The following PLXDC2 variants were observed in gnomAD, a reference collection of about 807,000 sequenced individuals.
The protein encoded by PLXDC2 is plexin domain containing 2, also known as plexin domain-containing protein 2.
PLXDC2 carries 40 observed loss-of-function variants against 68.9 expected under a neutral mutation model. The ratio of observed to expected loss-of-function variants is 0.58; its 90% CI spans 0.45 to 0.76. The LOEUF (loss-of-function observed/expected upper bound fraction) is 0.76. Ranked by LOEUF, PLXDC2 falls within the 30% of genes least tolerant of loss-of-function variation. The pLI is 0.00. For missense variants in PLXDC2, 644 were observed against 661.9 expected (o/e 0.97, Z 0.30); for synonymous variants, 243 against 234.2 (o/e 1.04, Z -0.34).
At chr10:20,236,027 A>C (rs1835427675) in intron 12 of PLXDC2, among the ~76,000 whole-genome samples, 1 of 152,220 alleles carries the variant, frequency 6.6e-6, no homozygotes, top group Admixed American at 6.5e-5. Context: ...AGATTAAAAG[A>C]GAAAATAGTT....
At position 20,176,891 on chromosome 10, in the gene PLXDC2, A is replaced by G; in HGVS notation, c.884-108A>G. 3 of 737,914 alleles carry G rather than the reference A, an allele frequency of 4.1e-6. No individual in the cohort carries two copies. The South Asian group carries it at 5.9e-5, about 14-fold the overall frequency. 45.7% of individuals were successfully genotyped at this position (737,914 alleles called of 1,614,324 possible). A position where few individuals can be genotyped will look rare whatever the true frequency, so the allele number is the denominator to read the frequency against. ...TTCTCACAGGATGAGGCTTAATTTT[A>G]AAACCACATTGGGCTATATGTATAT... On this transcript the variant is annotated intron_variant, in intron 7 of 13. Transcript: ENST00000377252.
chr10:19,849,612 TGAA>T (rs898635454), intron 1 of PLXDC2, among the ~76,000 whole-genome samples: 4 of 152,074 alleles, frequency 2.6e-5, no homozygotes, highest in African/African-American at 9.7e-5. Flanking sequence ...CACTGCCGTG[TGAA>T]GAAGGACATG....
At chr10:19,882,115 T>C (rs1214738601) in intron 1 of PLXDC2, among the ~76,000 whole-genome samples, 3 of 152,242 alleles carry the variant, frequency 2.0e-5, no homozygotes, top group Non-Finnish European at 4.4e-5. Flanking sequence ...ATGTTTCTCA[T>C]GATGGATTCC....
Position 20,280,908 on chromosome 10 carries a change from A to AATAT in PLXDC2, c.*1099_*1102dup, listed in dbSNP as rs61654420. 6.6e-6 allele frequency: 1 copy of AATAT among 151,428 alleles called. No homozygotes were observed. Among genetic ancestry groups the AATAT allele is most frequent in the African/African-American group, 2.4e-5 (1 of 41,240 alleles). 9.4% of individuals were successfully genotyped at this position (151,428 alleles called of 1,614,324 possible). On this transcript the variant is annotated 3_prime_UTR_variant, in exon 14 of 14. Coordinates refer to ENST00000377252, the MANE Select transcript of PLXDC2 (RefSeq NM_032812.9). ...CTTTAAAGCACATAGTAGTTACATAAATATATATATATAAATATATTTTTG... is the reference window on the plus strand; with the variant it reads ...CTTTAAAGCACATAGTAGTTACATAAATATATATATATATATAAATATATTTTTG...
rs1836081253 is a variant in PLXDC2, at chr10:20,281,465, AGC to A, written c.*1647_*1648del. The A allele has an allele frequency of 6.6e-6, 1 of 152,222 alleles. No homozygotes were observed. The highest frequency in any genetic ancestry group is 2.4e-5 in the African/African-American group (1 of 41,466). The allele number at this position is 152,222 out of a possible 1,614,324, so 9.4% of individuals were successfully genotyped here. Reference sequence around the variant, plus strand: ...CAAGAAGCAGAGATGTCTCATAAGCAGCATTTTCCCAACAGTTTAGCATCTGT... The same window carrying A: ...CAAGAAGCAGAGATGTCTCATAAGCAATTTTCCCAACAGTTTAGCATCTGT... On this transcript the variant is annotated 3_prime_UTR_variant, in exon 14 of 14. Transcript: ENST00000377252.
chr10:20,035,793 GC>G (rs1835567563), intron 2 of PLXDC2, among the ~76,000 whole-genome samples: 2 of 152,122 alleles, frequency 1.3e-5, no homozygotes, highest in Admixed American at 6.5e-5. Context: ...GAGATTATTG[GC>G]CAAGTAGTCA....
intron 12 of PLXDC2, among the ~76,000 whole-genome samples, chr10:20,230,400 T>C (rs1835345004): frequency 6.6e-6 from 1 of 152,140 alleles, no homozygotes; most frequent in Non-Finnish European, 1.5e-5. Context: ...CCAGGCATAG[T>C]GTCTCATGCT....
chr10:20,032,103 A>C (rs1277536780), intron 2 of PLXDC2, among the ~76,000 whole-genome samples: 1 of 152,120 alleles, frequency 6.6e-6, no homozygotes, highest in Non-Finnish European at 1.5e-5. Context: ...TTACCGGCTT[A>C]AGCCACCATG....
chr10:20,164,530 T>C lies in PLXDC2; in HGVS notation c.846T>C (p.Asp282=). 2 of 1,613,702 alleles carry C rather than the reference T, an allele frequency of 1.2e-6. No individual in the cohort carries two copies. Among genetic ancestry groups the C allele is most frequent in the Non-Finnish European group, 1.7e-6 (2 of 1,179,776 alleles). Residue 282 remains aspartate (D), a synonymous_variant, in exon 7 of 14, where the codon GAT becomes GAC. Transcript: ENST00000377252. ...ATCCAGTGAAAGTCGGACTGTCCGA[T>C]GCATTTGTCGTTGTCCACAGGATCC... The part of the protein sequence containing the change: ...TNHPVKVGLS[D]AFVVVHRIQQ...
Position 20,130,740 on chromosome 10 carries a change from C to T in PLXDC2, c.542-12555C>T, listed in dbSNP as rs577231841. Among the ~76,000 whole-genome samples, 8 of 152,046 alleles carry T rather than the reference C, an allele frequency of 5.3e-5. No homozygotes were observed. The South Asian group carries it at 1.5e-3, about 28-fold the overall frequency. On this transcript the variant is annotated intron_variant, in intron 4 of 13. Transcript: ENST00000377252. ...TTGTCAAATGCTTTTTTGCATATAT[C>T]GAGATGATCATATAATTTTTAATCT...
intron 1 of PLXDC2, among the ~76,000 whole-genome samples, chr10:19,912,135 T>C (rs1344212668): frequency 1.3e-5 from 2 of 152,216 alleles, no homozygotes; most frequent in African/African-American, 4.8e-5. Flanking sequence ...GCTTCTTTGG[T>C]ATTCTAAAGG....
chr10:19,885,928 T>C (rs1435237059), intron 1 of PLXDC2, among the ~76,000 whole-genome samples: 1 of 152,090 alleles, frequency 6.6e-6, no homozygotes, highest in Admixed American at 6.6e-5. Flanking sequence ...GCATTGAATC[T>C]ATAAATTACC....
At chr10:19,852,424 TCAAAAAAAA>T (rs1837135837) in intron 1 of PLXDC2, among the ~76,000 whole-genome samples, 1 of 26,350 alleles carries the variant, frequency 3.8e-5, no homozygotes, top group African/African-American at 1.4e-4. Context: ...AGACCCTGTC[TCAAAAAAAA>T]AAAAAAAAAA....
In PLXDC2 at chr10:20,214,920, A is replaced by C. The variant is rs1337708235; in HGVS notation, c.1123-2506A>C. ...TGAGTTTGAGATGTGTGTGACATTCACATGCAGACACCTGGTCAATAGATG... is the reference window on the plus strand; with the variant it reads ...TGAGTTTGAGATGTGTGTGACATTCCCATGCAGACACCTGGTCAATAGATG... On this transcript the variant is annotated intron_variant, in intron 10 of 13. Transcript: ENST00000377252. Among the ~76,000 whole-genome samples the C allele has an allele frequency of 2.0e-5, 3 of 152,212 alleles. No individual in the cohort carries two copies. In the East Asian group the frequency reaches 5.8e-4, roughly 29 times the overall value.
chr10:19,876,169 A>G (rs1466711351), intron 1 of PLXDC2, among the ~76,000 whole-genome samples: 2 of 152,132 alleles, frequency 1.3e-5, no homozygotes, highest in African/African-American at 2.4e-5. Flanking sequence ...AGGAAAAAAA[A>G]TAGGTCAGGA....
intron 1 of PLXDC2, among the ~76,000 whole-genome samples, chr10:19,877,043 T>A (rs1425378187): frequency 2.0e-5 from 3 of 152,236 alleles, no homozygotes; most frequent in Admixed American, 6.5e-5. Context: ...GATTTGAAGA[T>A]GACCTCAATA....
chr10:20,131,522 C>T (rs1005635871), intron 4 of PLXDC2, among the ~76,000 whole-genome samples: 1 of 152,128 alleles, frequency 6.6e-6, no homozygotes, highest in East Asian at 1.9e-4. Flanking sequence ...GTCTCAGCCT[C>T]CCGAGTAGCT....
At chr10:20,087,994 T>C (rs1348612877) in intron 4 of PLXDC2, among the ~76,000 whole-genome samples, 1 of 152,212 alleles carries the variant, frequency 6.6e-6, no homozygotes, top group East Asian at 1.9e-4. Context: ...TTAGCCCATG[T>C]AGAATGAAAG....
At chr10:20,187,453 A>G (rs1834701378) in intron 9 of PLXDC2, among the ~76,000 whole-genome samples, 1 of 151,858 alleles carries the variant, frequency 6.6e-6, no homozygotes, top group Admixed American at 6.6e-5. Flanking sequence ...TAACATATCA[A>G]TCACCTTAAA....
Sources: allele counts gnomAD v4.1 joint callset (sites outside exome capture counted in the v4.1 genomes callset), GRCh38; gene constraint gnomAD v4.1.1; transcripts MANE v1.5; gene names NCBI Gene and HGNC (gene_info 2026-07-23, HGNC 2026-07-21).